Variants in UEVLD observed in about 807,000 individuals in gnomAD.
The protein encoded by UEVLD is UEV and lactate/malate dehyrogenase domains.
Under a neutral mutation model 58.6 loss-of-function variants are expected in UEVLD, and 47 were observed. The observed-to-expected ratio is 0.80, with a 90% CI of 0.63 to 1.02. The LOEUF is 1.02. UEVLD is among the 50% of genes least tolerant of loss of function. UEVLD has a pLI of 0.00. For synonymous variants in UEVLD, 197 were observed against 195.3 expected (o/e 1.01, Z -0.07); for missense variants, 510 against 550.6 (o/e 0.93, Z 0.74).
At chr11:18,547,087 C>T (rs1418500340) in intron 7 of UEVLD, 37 bp from the exon 8 acceptor site, 3 of 1,585,804 alleles carry the variant, frequency 1.9e-6, no homozygotes, top group South Asian at 2.3e-5. Context: ...GCTGAAGATA[C>T]AGGCTTTAAT....
intron 8 of UEVLD, among the ~76,000 whole-genome samples, chr11:18,545,005 C>T (rs761372984): frequency 1.1e-4 from 16 of 146,502 alleles, no homozygotes; most frequent in African/African-American, 3.8e-4. Flanking sequence ...TATATATACA[C>T]GTATGTATAT....
chr11:18,533,337 G>A (rs180898643), intron 11 of UEVLD, among the ~76,000 whole-genome samples: 101 of 150,326 alleles, frequency 6.7e-4, no homozygotes, highest in African/African-American at 2.4e-3. Flanking sequence ...GCAGCCTGTG[G>A]TAACCAACAC....
intron 7 of UEVLD, among the ~76,000 whole-genome samples, chr11:18,553,154 CAAAAAAAAAAA>C (rs34297128): frequency 3.7e-5 from 3 of 81,578 alleles, no homozygotes; most frequent in Non-Finnish European, 7.0e-5. Flanking sequence ...GGTTCCGTCT[CAAAAAAAAAAA>C]AAAAAAAAAA....
intron 3 of UEVLD, among the ~76,000 whole-genome samples, chr11:18,573,239 T>G (rs1261719038): frequency 1.3e-5 from 2 of 152,320 alleles, no homozygotes; most frequent in East Asian, 3.9e-4. Flanking sequence ...GAAACCGAAA[T>G]GCTACTAAGC....
At position 18,570,394 on chromosome 11, in the gene UEVLD, A is replaced by G. The variant is rs779815873; in HGVS notation, c.194-17T>C. 4.6e-6 allele frequency: 7 copies of G among 1,505,888 alleles called. No homozygotes were observed. Among genetic ancestry groups the G allele is most frequent in the Non-Finnish European group, 6.2e-6 (7 of 1,132,970 alleles). The allele number at this position is 1,505,888 out of a possible 1,614,324, so 93.3% of individuals were successfully genotyped here. ...ATGTATTACCTATTTGAGACAAAAG[A>G]AACATATCTTCAAACAATAATAAAG... On this transcript the variant is annotated splice_polypyrimidine_tract_variant and intron_variant, in intron 3 of 11. Coordinates refer to ENST00000396197, the MANE Select transcript of UEVLD (RefSeq NM_001040697.4).
intron 7 of UEVLD, among the ~76,000 whole-genome samples, chr11:18,557,966 G>A (rs930269590): frequency 2.6e-5 from 4 of 152,084 alleles, no homozygotes; most frequent in African/African-American, 4.8e-5. Flanking sequence ...TGAGGTATAA[G>A]TCAAAAACAA....
At chr11:18,564,848 G>T in intron 6 of UEVLD, 44 bp downstream of exon 6, 1 of 1,414,560 alleles carries the variant, frequency 7.1e-7, no homozygotes, top group Non-Finnish European at 9.9e-7. Flanking sequence ...GCCTAGAAGT[G>T]TGGCACTATG....
At chr11:18,546,505 G>GTT (rs34286769) in intron 8 of UEVLD, among the ~76,000 whole-genome samples, 2 of 142,848 alleles carry the variant, frequency 1.4e-5, no homozygotes, top group Non-Finnish European at 1.5e-5. Context: ...TTTTGTTTTT[G>GTT]TTTTTTTTTT....
chr11:18,532,966 A>G (rs938424097), intron 11 of UEVLD, among the ~76,000 whole-genome samples: 1 of 152,186 alleles, frequency 6.6e-6, no homozygotes, highest in African/African-American at 2.4e-5. Context: ...AAATCAGGGT[A>G]ATGGGGCTAT....
At chr11:18,572,410 T>C (rs1852670995) in intron 3 of UEVLD, among the ~76,000 whole-genome samples, 1 of 152,198 alleles carries the variant, frequency 6.6e-6, no homozygotes, top group Non-Finnish European at 1.5e-5. Flanking sequence ...GGAGGATAGA[T>C]ATAGGCTTCA....
intron 7 of UEVLD, among the ~76,000 whole-genome samples, chr11:18,552,805 G>C (rs534833672): frequency 8.6e-5 from 13 of 151,840 alleles, no homozygotes; most frequent in African/African-American, 3.1e-4. Flanking sequence ...AGTTTGCAGA[G>C]AGCCAAGATT....
intron 9 of UEVLD, among the ~76,000 whole-genome samples, chr11:18,543,999 G>T (rs1851175005): frequency 6.6e-6 from 1 of 152,320 alleles, no homozygotes; most frequent in South Asian, 2.1e-4. Context: ...GTAAAGGAAA[G>T]AGTTCTATAT....
At chr11:18,533,784 A>G (rs1850673922) in intron 11 of UEVLD, among the ~76,000 whole-genome samples, 1 of 152,092 alleles carries the variant, frequency 6.6e-6, no homozygotes, top group African/African-American at 2.4e-5. Flanking sequence ...CCTCCCGAGT[A>G]GCTGGGATTA....
At chr11:18,584,417 A>T (rs939811839) in intron 1 of UEVLD, among the ~76,000 whole-genome samples, 31 of 152,192 alleles carry the variant, frequency 2.0e-4, no homozygotes, top group African/African-American at 6.5e-4. Flanking sequence ...CTTTTTGCAG[A>T]ATAATAAGTA....
At chr11:18,536,592 AG>A in intron 9 of UEVLD, 123 bp from the exon 10 acceptor site, 1 of 795,048 alleles carries the variant, frequency 1.3e-6, no homozygotes, top group Non-Finnish European at 2.0e-6. Flanking sequence ...TCTCATTTCT[AG>A]CAAGTTAGAT....
At chr11:18,545,696 C>T (rs899660870) in intron 8 of UEVLD, among the ~76,000 whole-genome samples, 13 of 152,154 alleles carry the variant, frequency 8.5e-5, no homozygotes, top group African/African-American at 1.9e-4. Context: ...CCACCTGCCT[C>T]GGCCTCCCAA....
chr11:18,579,957 C>G (rs759835277), intron 1 of UEVLD, among the ~76,000 whole-genome samples: 1 of 150,384 alleles, frequency 6.6e-6, no homozygotes, highest in African/African-American at 2.4e-5. Flanking sequence ...CCCTTGTTCA[C>G]GGACTTGAAG....
chr11:18,567,168 TTAACAC>T (rs538702831), intron 4 of UEVLD, among the ~76,000 whole-genome samples: 248 of 152,294 alleles, frequency 1.6e-3, no homozygotes, highest in Non-Finnish European at 3.0e-3. Flanking sequence ...AATCAGAAAA[TTAACAC>T]TAATAGTATC....
chr11:18,577,668 G>C (rs1392199986), intron 2 of UEVLD, among the ~76,000 whole-genome samples: 1 of 152,064 alleles, frequency 6.6e-6, no homozygotes, highest in East Asian at 1.9e-4. Flanking sequence ...TCAGGAGTTC[G>C]AGACCAGACT....
Sources: allele counts gnomAD v4.1 joint callset (sites outside exome capture counted in the v4.1 genomes callset), GRCh38; gene constraint gnomAD v4.1.1; transcripts MANE v1.5; gene names NCBI Gene and HGNC (gene_info 2026-07-23, HGNC 2026-07-21).